PCDHA13: variants seen among roughly 807,000 people sequenced by gnomAD.
PCDHA13 encodes protocadherin alpha-13.
PCDHA13 carries 54 observed loss-of-function variants against 64.8 expected under a neutral mutation model. That is an observed-to-expected ratio of 0.83 (90% CI 0.67 to 1.04). The LOEUF is 1.04. PCDHA13 is among the 50% of genes least tolerant of loss of function. The pLI, the probability that PCDHA13 is intolerant of heterozygous loss-of-function variation, is 0.00. For synonymous variants in PCDHA13, 587 were observed against 564.4 expected, an observed-to-expected ratio of 1.04 and a Z score of -0.57; for missense variants, 1,248 against 1,254.3, an observed-to-expected ratio of 0.99 and a Z score of 0.08.
At chr5:140,910,276 A>G (rs1461426502) in intron 1 of PCDHA13, among the ~76,000 whole-genome samples, 2 of 152,124 alleles carry the variant, frequency 1.3e-5, no homozygotes, top group African/African-American at 4.8e-5. Flanking sequence ...ACTTCTAGGA[A>G]CACCATGATT....
At chr5:140,924,681 G>T (rs558083953) in intron 1 of PCDHA13, among the ~76,000 whole-genome samples, 1 of 152,180 alleles carries the variant, frequency 6.6e-6, no homozygotes, top group East Asian at 1.9e-4. Flanking sequence ...AATCACTTGA[G>T]GTCAGGAGTT....
intron 1 of PCDHA13, among the ~76,000 whole-genome samples, chr5:140,906,958 G>A (rs1220105162): frequency 1.3e-5 from 2 of 152,124 alleles, no homozygotes; most frequent in Non-Finnish European, 2.9e-5. Flanking sequence ...CAGTTTAATG[G>A]AATCGTGGTT....
At chr5:141,002,726 A>C (rs1488452359) in intron 3 of PCDHA13, among the ~76,000 whole-genome samples, 1 of 152,250 alleles carries the variant, frequency 6.6e-6, no homozygotes, top group Non-Finnish European at 1.5e-5. Context: ...GGAAGGGCAC[A>C]GTAAATGTTA....
intron 1 of PCDHA13, among the ~76,000 whole-genome samples, chr5:140,923,036 T>C (rs868918813): frequency 1.3e-5 from 2 of 152,196 alleles, no homozygotes; most frequent in Non-Finnish European, 2.9e-5. Context: ...TATTACTACA[T>C]GTATAGTATT....
In PCDHA13 at chr5:140,882,620, C is replaced by T; in HGVS notation, c.352C>T (p.His118Tyr). The change falls in exon 1 of 4, where the codon CAT becomes TAT. Residue 118 changes from histidine to tyrosine, a missense_variant. By Grantham distance (83) the His-to-Tyr change is moderately conservative. Transcript: ENST00000289272. Reference protein sequence around the residue: ...VIVDRPLQVFHVEVKVRDIND... With the variant: ...VIVDRPLQVFYVEVKVRDIND... The stretch of plus-strand genomic sequence containing the variant: ...CGTGGACAGGCCTCTGCAGGTTTTC[C>T]ATGTGGAGGTGAAGGTGAGGGACAT... The T allele has an allele frequency of 6.2e-7, 1 of 1,614,220 alleles. No individual in the cohort carries two copies. Among genetic ancestry groups the T allele is most frequent in the Non-Finnish European group, 8.5e-7 (1 of 1,180,038 alleles).
At chr5:140,953,062 C>A (rs2094842577) in intron 1 of PCDHA13, among the ~76,000 whole-genome samples, 1 of 152,160 alleles carries the variant, frequency 6.6e-6, no homozygotes, top group East Asian at 1.9e-4. Context: ...CTCTCACAGG[C>A]CCCATCTCCA....
chr5:140,967,873 C>T lies in PCDHA13; in HGVS notation c.2395-11076C>T, dbSNP rs1554230047. On this transcript the variant is annotated intron_variant, in intron 1 of 3. Transcript: ENST00000289272. ...ATGCCCCAGAGGTGGTGCTCACGGA[C>T]CTGTATAGCCCAGTGCCTGAGAATG... 1.9e-6 allele frequency: 3 copies of T among 1,614,152 alleles called. No homozygotes were observed. In the Admixed American group the frequency reaches 5.0e-5, roughly 27 times the overall value.
Position 140,883,268 on chromosome 5 carries a change from T to G in PCDHA13, c.1000T>G (p.Cys334Gly). 1 of 1,614,030 alleles carries G rather than the reference T, an allele frequency of 6.2e-7. No individual in the cohort carries two copies. The highest frequency in any genetic ancestry group is 8.5e-7 in the Non-Finnish European group (1 of 1,180,002). ...DKGNIPMAGH[C>G]TLLVEVLDVN... ...AGGAAATATTCCAATGGCGGGTCAT[T>G]GTACCCTTTTGGTGGAAGTACTAGA... The change falls in exon 1 of 4, where the codon TGT (cysteine) becomes GGT (glycine). Residue 334 changes from cysteine to glycine, a missense_variant. Coordinates refer to ENST00000289272, the MANE Select transcript of PCDHA13 (RefSeq NM_018904.3).
chr5:140,929,471 G>C, intron 1 of PCDHA13: 1 of 1,293,428 alleles, frequency 7.7e-7, no homozygotes, highest in Non-Finnish European at 1.0e-6. Context: ...CAAGAAATCT[G>C]GAAGTATAGA....
intron 3 of PCDHA13, among the ~76,000 whole-genome samples, chr5:141,001,278 C>A (rs182360019): frequency 6.6e-6 from 1 of 152,050 alleles, no homozygotes; most frequent in Non-Finnish European, 1.5e-5. Flanking sequence ...ACTTTTTTTA[C>A]GGATGAAAAC....
chr5:140,951,583 C>T (rs939168963), intron 1 of PCDHA13, among the ~76,000 whole-genome samples: 3 of 152,034 alleles, frequency 2.0e-5, no homozygotes, highest in Non-Finnish European at 4.4e-5. Flanking sequence ...CCAGATTTCA[C>T]GAGATCTCTC....
chr5:140,882,365 T>C lies in PCDHA13; in HGVS notation c.97T>C (p.Tyr33His), dbSNP rs141224516. ...AWETGSGQLH[Y>H]SVPEEAKHGT... ...GGAGACGGGTAGTGGCCAGCTCCAC[T>C]ACTCCGTCCCCGAGGAAGCAAAACA... Residue 33 changes from tyrosine (Y) to histidine (H), a missense_variant, in exon 1 of 4, where the codon TAC (tyrosine) becomes CAC (histidine). Coordinates refer to ENST00000289272, the MANE Select transcript of PCDHA13 (RefSeq NM_018904.3). The C allele has an allele frequency of 6.2e-7, 1 of 1,614,208 alleles. No individual in the cohort carries two copies. The highest frequency in any genetic ancestry group is 8.5e-7 in the Non-Finnish European group (1 of 1,180,032).
intron 1 of PCDHA13, chr5:140,968,630 TA>T: frequency 6.2e-7 from 1 of 1,614,192 alleles, no homozygotes; most frequent in Non-Finnish European, 8.5e-7. Flanking sequence ...TTGGCTTTTT[TA>T]CCATCTAGCC....
chr5:140,942,590 A>G (rs868979857), intron 1 of PCDHA13, among the ~76,000 whole-genome samples: 1 of 148,658 alleles, frequency 6.7e-6, no homozygotes, highest in Admixed American at 6.8e-5. Context: ...GATGTCACAT[A>G]TAATTATAGT....
intron 3 of PCDHA13, among the ~76,000 whole-genome samples, chr5:141,006,916 A>G (rs111263219): frequency 0.011 from 1,648 of 152,304 alleles, 31 homozygotes; most frequent in African/African-American, 0.038. Context: ...TGGGATGCCC[A>G]TGAGATTTCC....
At position 140,883,162 on chromosome 5, in the gene PCDHA13, C is replaced by T; in HGVS notation, c.894C>T (p.Asn298=). The change falls in exon 1 of 4, where the codon AAC becomes AAT. Residue 298 remains asparagine (N), a synonymous_variant. Coordinates refer to ENST00000289272, the MANE Select transcript of PCDHA13 (RefSeq NM_018904.3). ...AVVYAFTINP[N]NGEIRTKGKL... ...TATATGCATTTACCATAAATCCGAA[C>T]AATGGAGAAATTAGGACAAAAGGCA... The T allele has an allele frequency of 1.2e-6, 2 of 1,613,808 alleles. No homozygotes were observed. The highest frequency in any genetic ancestry group is 1.7e-6 in the Non-Finnish European group (2 of 1,180,002).
chr5:140,925,441 T>G (rs1458646143), intron 1 of PCDHA13, among the ~76,000 whole-genome samples: 1 of 152,136 alleles, frequency 6.6e-6, no homozygotes, highest in African/African-American at 2.4e-5. Context: ...TTAGGCAGAA[T>G]TTGGGTGTAT....
intron 1 of PCDHA13, among the ~76,000 whole-genome samples, chr5:140,972,866 G>A (rs1010114234): frequency 6.6e-6 from 1 of 152,046 alleles, no homozygotes; most frequent in Non-Finnish European, 1.5e-5. Context: ...GTTTCATCAT[G>A]TTGTCCAGGA....
chr5:140,884,247 CG>C lies in PCDHA13; in HGVS notation c.1981del (p.Ala661ProfsTer40), dbSNP rs1220799816. ...AAGGACCACGGTGAGCCCGCGCTGA[CG>C]GCCACGGCAACGGTGCTGTTGTCGC... ...LVKDHGEPAL[T>X]ATATVLLSLV... On this transcript the variant is annotated frameshift_variant, in exon 1 of 4. Transcript: ENST00000289272. LOFTEE classifies it high-confidence loss of function. 1 of 1,613,280 alleles carries C rather than the reference CG, an allele frequency of 6.2e-7. No homozygotes were observed. Among genetic ancestry groups the C allele is most frequent in the Non-Finnish European group, 8.5e-7 (1 of 1,179,706 alleles).
Sources: gnomAD v4.1 joint callset for allele counts (sites outside exome capture counted in the v4.1 genomes callset) on GRCh38, gnomAD v4.1.1 for gene constraint, MANE v1.5 for transcripts, NCBI Gene and HGNC (gene_info 2026-07-23, HGNC 2026-07-21) for gene names.